Variants in CFAP70 observed in about 807,000 individuals in gnomAD.
The protein encoded by CFAP70 is cilia and flagella associated protein 70.
In CFAP70, 81 loss-of-function variants were observed where a neutral mutation model predicts 137.6. The ratio of observed to expected loss-of-function variants is 0.59; its 90% CI spans 0.49 to 0.71. CFAP70 has a LOEUF of 0.71. CFAP70 is among the 30% of genes least tolerant of loss of function. The probability of loss-of-function intolerance (pLI) is 0.00; values close to 1 mark genes in which losing one functional copy is unlikely to be tolerated. For missense variants in CFAP70, 976 were observed against 1,226.7 expected (o/e 0.80, Z 3.05); for synonymous variants, 382 against 423.6 (o/e 0.90, Z 1.20).
intron 12 of CFAP70, among the ~76,000 whole-genome samples, chr10:73,301,137 C>G (rs555839492): frequency 6.6e-6 from 1 of 152,276 alleles, no homozygotes; most frequent in Admixed American, 6.5e-5. Flanking sequence ...AGGAAGGCCT[C>G]GCTGAGATGT....
chr10:73,302,285 G>A (rs1248117261), intron 12 of CFAP70, among the ~76,000 whole-genome samples: 1 of 152,152 alleles, frequency 6.6e-6, no homozygotes, highest in Non-Finnish European at 1.5e-5. Flanking sequence ...AGATAAAGAA[G>A]GCCAGGGAGG....
exon 2 of CFAP70, chr10:73,354,790 G>C (rs1359174365): frequency 1.9e-6 from 3 of 1,613,738 alleles, no homozygotes; most frequent in Non-Finnish European, 1.7e-6. Context: ...GATGGCACTT[G>C]CTCCATATCA....
intron 1 of CFAP70, among the ~76,000 whole-genome samples, chr10:73,357,459 A>G (rs1564900375): frequency 6.6e-6 from 1 of 152,238 alleles, no homozygotes; most frequent in Non-Finnish European, 1.5e-5. Context: ...AACAACACAC[A>G]TAGCAAGTAG....
intron 9 of CFAP70, among the ~76,000 whole-genome samples, chr10:73,315,226 A>T (rs1297657318): frequency 1.3e-5 from 2 of 151,888 alleles, no homozygotes; most frequent in Admixed American, 1.3e-4. Flanking sequence ...CAAAAAAAAA[A>T]AAAAAAAAAA....
intron 3 of CFAP70, among the ~76,000 whole-genome samples, chr10:73,350,937 ATATATGTGTGTGTGTG>A: frequency 6.8e-6 from 1 of 147,874 alleles, no homozygotes; most frequent in East Asian, 2.0e-4. Flanking sequence ...ATTTGTGTGT[ATATATGTGTGTGTGTG>A]TGTATGTGTG....
chr10:73,301,151 C>T (rs749432544), intron 12 of CFAP70, among the ~76,000 whole-genome samples: 10 of 152,096 alleles, frequency 6.6e-5, no homozygotes, highest in Non-Finnish European at 7.4e-5. Context: ...GAGATGTTAA[C>T]GTTTGAGTAA....
chr10:73,268,674 C>T (rs1183681593), intron 25 of CFAP70, among the ~76,000 whole-genome samples: 2 of 144,826 alleles, frequency 1.4e-5, no homozygotes, highest in Middle Eastern at 3.2e-3. Context: ...GGTAAGAACT[C>T]TTTTTATTTG....
chr10:73,344,469 G>C lies in CFAP70; in HGVS notation c.399+596C>G, dbSNP rs79697855. Among the ~76,000 whole-genome samples the C allele has an allele frequency of 2.4e-3, 363 of 152,316 alleles. 3 individuals carry two copies. The highest frequency in any genetic ancestry group is 8.0e-3 in the African/African-American group (334 of 41,570). On this transcript the variant is annotated intron_variant, in intron 5 of 26. Transcript: ENST00000310715. ...GTGATCAGCCATCTCATTTGCCTAG[G>C]ACTGTCCCAGTTGTGGTGCTGAAAG...
chr10:73,296,911 G>T, intron 15 of CFAP70, 131 bp downstream of exon 16: 1 of 1,068,050 alleles, frequency 9.4e-7, no homozygotes, highest in Non-Finnish European at 1.3e-6. Flanking sequence ...ACTCATCTTT[G>T]TGTTTTCAGT....
Position 73,273,678 on chromosome 10 carries a change from G to A in CFAP70, c.2836-661C>T, listed in dbSNP as rs531727300. On this transcript the variant is annotated intron_variant, in intron 23 of 26. Transcript: ENST00000310715. ...TTCTCCTTATATACTTCACTACAGTGGGATAGGGATTTCTCTCAAGCCTAT... is the reference window on the plus strand; with the variant it reads ...TTCTCCTTATATACTTCACTACAGTAGGATAGGGATTTCTCTCAAGCCTAT... 5.9e-5 allele frequency among the ~76,000 whole-genome samples: 9 copies of A among 152,290 alleles called. No individual in the cohort carries two copies. The South Asian group carries it at 8.3e-4, about 14-fold the overall frequency.
At chr10:73,356,212 T>C (rs1488076686) in intron 1 of CFAP70, among the ~76,000 whole-genome samples, 7 of 152,042 alleles carry the variant, frequency 4.6e-5, no homozygotes, top group Non-Finnish European at 1.0e-4. Flanking sequence ...CCTTCCTTTT[T>C]TTTTTTTTCA....
intron 6 of CFAP70, among the ~76,000 whole-genome samples, chr10:73,339,195 G>T (rs1038930558): frequency 1.3e-5 from 2 of 151,908 alleles, no homozygotes; most frequent in African/African-American, 2.4e-5. Flanking sequence ...TAGGATTACA[G>T]GCATCAGCTA....
At chr10:73,255,719 G>T (rs2044421093) in intron 26 of CFAP70, among the ~76,000 whole-genome samples, 2 of 151,942 alleles carry the variant, frequency 1.3e-5, no homozygotes, top group East Asian at 1.9e-4. Context: ...TAATTTTTTT[G>T]TATTTTTAGT....
Position 73,299,276 on chromosome 10 carries a change from T to C in CFAP70, c.1318-175A>G, listed in dbSNP as rs182994881. 9.2e-4 allele frequency among the ~76,000 whole-genome samples: 140 copies of C among 152,244 alleles called. 1 individual carries two copies. The highest frequency in any genetic ancestry group is 8.6e-3 in the Admixed American group (132 of 15,290). On this transcript the variant is annotated intron_variant, in intron 13 of 26. Coordinates refer to ENST00000310715, the Ensembl canonical transcript of CFAP70. ...AGGCTGGAGTACAGTGGTATGATCA[T>C]GGCTCACTTCTCCCTTGAACTCCTG...
At chr10:73,361,671 C>T (rs368724567), upstream of CFAP70, among the ~76,000 whole-genome samples, 1 of 152,124 alleles carries the variant, frequency 6.6e-6, no homozygotes, top group African/African-American at 2.4e-5. Flanking sequence ...GTTTCAAAGG[C>T]CTCCATTAAA....
rs1158760266 is a variant in CFAP70 at position 73,351,071 on chromosome 10, G to GTATATA, written c.250+2479_250+2484dup. 6.7e-3 allele frequency among the ~76,000 whole-genome samples: 209 copies of GTATATA among 31,328 alleles called. 3 individuals are homozygous for GTATATA. Among genetic ancestry groups the GTATATA allele is most frequent in the Non-Finnish European group, 0.011 (163 of 14,852 alleles). 20.6% of individuals were successfully genotyped at this position (31,328 alleles called of 152,430 possible). On this transcript the variant is annotated intron_variant, in intron 3 of 26. Transcript: ENST00000310715. ...TGTGTGTGTGTGTGTGTGTGTGTGT[G>GTATATA]TATATATATATATATATATATATAT...
chr10:73,336,396 G>A (rs546669945), intron 6 of CFAP70, among the ~76,000 whole-genome samples: 4 of 152,016 alleles, frequency 2.6e-5, no homozygotes, highest in Non-Finnish European at 5.9e-5. Context: ...TCACAATGAT[G>A]AGAAAAGATA....
intron 19 of CFAP70, among the ~76,000 whole-genome samples, chr10:73,279,928 G>GA (rs963980584): frequency 3.9e-4 from 58 of 147,378 alleles, no homozygotes; most frequent in African/African-American, 9.2e-4. Context: ...GTAAGTATAT[G>GA]AAAAAAAAAA....
At chr10:73,294,602 G>A (rs2048402227) in intron 15 of CFAP70, 1 of 152,134 alleles carries the variant, frequency 6.6e-6, no homozygotes, top group South Asian at 2.1e-4. Context: ...AATACCCTTA[G>A]TAATCTATGT....
Sources: gnomAD v4.1 joint callset for allele counts (sites outside exome capture counted in the v4.1 genomes callset) on GRCh38, gnomAD v4.1.1 for gene constraint, MANE v1.5 for transcripts, NCBI Gene and HGNC (gene_info 2026-07-23, HGNC 2026-07-21) for gene names.